MIGA1: variants seen among roughly 807,000 people sequenced by gnomAD.
The protein encoded by MIGA1 is mitoguardin 1, also known as family with sequence similarity 73, member A.
In MIGA1, 58 loss-of-function variants were observed where a neutral mutation model predicts 82.0. The observed-to-expected ratio is 0.71, with a 90% CI of 0.57 to 0.88. The LOEUF (loss-of-function observed/expected upper bound fraction) is 0.88. Among genes scored for constraint, MIGA1 ranks in the 40% least tolerant of loss-of-function variants. MIGA1 has a pLI of 0.00. For synonymous variants in MIGA1, 249 were observed against 253.6 expected, an observed-to-expected ratio of 0.98 and a Z score of 0.17; for missense variants, 751 against 749.1, an observed-to-expected ratio of 1.00 and a Z score of -0.03.
intron 8 of MIGA1, among the ~76,000 whole-genome samples, chr1:77,846,816 G>A (rs1179465607): frequency 6.6e-6 from 1 of 152,026 alleles, no homozygotes; most frequent in South Asian, 2.1e-4. Flanking sequence ...GCATGGTGGC[G>A]GGCGCCTGTA....
chr1:77,863,516 A>T (rs1253564233), intron 12 of MIGA1, among the ~76,000 whole-genome samples: 1 of 152,212 alleles, frequency 6.6e-6, no homozygotes, highest in Non-Finnish European at 1.5e-5. Context: ...AGCATGTAGT[A>T]TGTAGAGTGT....
chr1:77,785,907 C>T (rs554203038), intron 2 of MIGA1, among the ~76,000 whole-genome samples: 54 of 152,302 alleles, frequency 3.5e-4, no homozygotes, highest in African/African-American at 1.2e-3. Flanking sequence ...CTGCACTAGG[C>T]GGTGCCCCAG....
chr1:77,868,727 A>T (rs2101967308), intron 14 of MIGA1: 1 of 152,264 alleles, frequency 6.6e-6, no homozygotes, highest in South Asian at 2.1e-4. Flanking sequence ...AATACACTTC[A>T]AGTCTGTATG....
At position 77,780,004 on chromosome 1, in the gene MIGA1, G is replaced by A. The variant is rs543932520; in HGVS notation, c.81+268G>A. On this transcript the variant is annotated intron_variant, in intron 1 of 15. Coordinates refer to ENST00000370791, the MANE Select transcript of MIGA1 (RefSeq NM_198549.4). ...CATAGGAAAGCAGGAGGGTCCCCAC[G>A]CCAGAGGGAGGCCTGCAAAGGAAGC... 708 of 1,222,396 alleles carry A rather than the reference G, an allele frequency of 5.8e-4. 7 individuals carry two copies. The highest frequency in any genetic ancestry group is 1.1e-4 in the Non-Finnish European group (106 of 977,574). 75.7% of individuals were successfully genotyped at this position (1,222,396 alleles called of 1,614,324 possible).
chr1:77,849,861 C>T (rs1684979331), intron 8 of MIGA1, among the ~76,000 whole-genome samples: 1 of 151,960 alleles, frequency 6.6e-6, no homozygotes, highest in Non-Finnish European at 1.5e-5. Flanking sequence ...CATGGTGAAA[C>T]CCAGTCTCTA....
chr1:77,848,279 G>A, intron 8 of MIGA1: 12 of 1,342,056 alleles, frequency 8.9e-6, no homozygotes, highest in Non-Finnish European at 1.3e-5. Context: ...AAGGGAGAAA[G>A]ATGGGGAGAA....
At chr1:77,809,718 T>C (rs971072804) in intron 5 of MIGA1, among the ~76,000 whole-genome samples, 3 of 151,632 alleles carry the variant, frequency 2.0e-5, no homozygotes, top group Non-Finnish European at 2.9e-5. Flanking sequence ...GAAAGGAGAA[T>C]AGATAGTGAT....
At position 77,803,394 on chromosome 1, in the gene MIGA1, G is replaced by C. The variant is rs749175265; in HGVS notation, c.498G>C (p.Gln166His). The C allele has an allele frequency of 1.3e-6, 2 of 1,518,908 alleles. No individual in the cohort carries two copies. The highest frequency in any genetic ancestry group is 1.8e-6 in the Non-Finnish European group (2 of 1,135,618). 94.1% of individuals were successfully genotyped at this position (1,518,908 alleles called of 1,614,324 possible). Residue 166 changes from glutamine (Q) to histidine (H), a missense_variant, in exon 4 of 16, where the codon CAG (glutamine) becomes CAC (histidine). Coordinates refer to ENST00000370791, the MANE Select transcript of MIGA1 (RefSeq NM_198549.4). The stretch of plus-strand genomic sequence containing the variant: ...TCAGTAAATATTCAGGTTCTGCACA[G>C]AGTTTGGCCTCTGTAAGTACAGAAA...
chr1:77,831,132 C>T (rs945974445), intron 7 of MIGA1, among the ~76,000 whole-genome samples: 19 of 152,274 alleles, frequency 1.2e-4, no homozygotes, highest in African/African-American at 4.6e-4. Flanking sequence ...TGTTTAAGAG[C>T]CTAAGATAAG....
At chr1:77,831,838 A>T (rs1193809881) in intron 7 of MIGA1, among the ~76,000 whole-genome samples, 2 of 152,238 alleles carry the variant, frequency 1.3e-5, no homozygotes, top group Non-Finnish European at 2.9e-5. Context: ...GCTTAAGCCC[A>T]GGAAGTTTAG....
At chr1:77,829,625 C>T (rs200963659) in intron 7 of MIGA1, among the ~76,000 whole-genome samples, 12 of 151,048 alleles carry the variant, frequency 7.9e-5, no homozygotes, top group Non-Finnish European at 1.2e-4. Context: ...CCTGCCACCA[C>T]GCCCAGCTAA....
chr1:77,833,529 A>G (rs1684318631), intron 7 of MIGA1, among the ~76,000 whole-genome samples: 1 of 152,180 alleles, frequency 6.6e-6, no homozygotes, highest in Non-Finnish European at 1.5e-5. Context: ...TTGGATTTCT[A>G]TGTCCAGGAC....
At chr1:77,832,883 G>T (rs749654803) in intron 7 of MIGA1, among the ~76,000 whole-genome samples, 4 of 152,130 alleles carry the variant, frequency 2.6e-5, no homozygotes, top group Non-Finnish European at 5.9e-5. Context: ...TTTTGTTGCT[G>T]CTCCTTTATA....
At chr1:77,812,025 A>G (rs987398465) in intron 5 of MIGA1, among the ~76,000 whole-genome samples, 1 of 152,176 alleles carries the variant, frequency 6.6e-6, no homozygotes, top group Non-Finnish European at 1.5e-5. Flanking sequence ...CATTTTAAGA[A>G]ATTTTAGGCC....
intron 2 of MIGA1, among the ~76,000 whole-genome samples, chr1:77,793,783 CTT>C (rs1175821307): frequency 2.0e-4 from 23 of 114,138 alleles, no homozygotes; most frequent in South Asian, 2.7e-4. Context: ...AAAATTTTAT[CTT>C]TTTTTTTTTT....
chr1:77,853,283 T>A (rs1025483801), intron 8 of MIGA1: 1 of 152,280 alleles, frequency 6.6e-6, no homozygotes, highest in Non-Finnish European at 1.5e-5. Flanking sequence ...GATTTTTAAT[T>A]TGCTCTCTTC....
chr1:77,812,366 G>A (rs1292391984), intron 5 of MIGA1, among the ~76,000 whole-genome samples: 2 of 152,082 alleles, frequency 1.3e-5, no homozygotes, highest in South Asian at 2.1e-4. Flanking sequence ...TTACTTGGGA[G>A]GCTGAGGTAG....
chr1:77,869,633 C>T (rs1272470331), intron 14 of MIGA1, among the ~76,000 whole-genome samples: 2 of 124,470 alleles, frequency 1.6e-5, no homozygotes, highest in African/African-American at 5.3e-5. Flanking sequence ...CCTCACTTCC[C>T]AGTAGGGGCG....
chr1:77,833,286 T>C (rs1684311699), intron 7 of MIGA1, among the ~76,000 whole-genome samples: 1 of 152,226 alleles, frequency 6.6e-6, no homozygotes, highest in Admixed American at 6.5e-5. Flanking sequence ...AGAGTACACA[T>C]TGTACAACAT....
Sources: allele counts gnomAD v4.1 joint callset (sites outside exome capture counted in the v4.1 genomes callset), GRCh38; gene constraint gnomAD v4.1.1; transcripts MANE v1.5; gene names NCBI Gene and HGNC (gene_info 2026-07-23, HGNC 2026-07-21).